Variants in ZNF44 observed in about 807,000 individuals in gnomAD.
ZNF44 encodes zinc finger protein 44.
A neutral mutation model predicts 11.7 loss-of-function variants in ZNF44; 9 were observed. The observed-to-expected ratio is 0.77, with a 90% CI of 0.46 to 1.35. The LOEUF (loss-of-function observed/expected upper bound fraction) is 1.35. Ranked by LOEUF, ZNF44 falls within the 40% of genes most tolerant of loss-of-function variation. The probability of loss-of-function intolerance (pLI) is 0.00; values close to 1 mark genes in which losing one functional copy is unlikely to be tolerated. For missense variants in ZNF44, 696 were observed against 743.1 expected, an observed-to-expected ratio of 0.94 and a Z score of 0.74; for synonymous variants, 224 against 242.7, an observed-to-expected ratio of 0.92 and a Z score of 0.72.
rs535445818 is a variant in ZNF44 at position 12,234,140 on chromosome 19, C to T, written n.380+527G>A. On this transcript the variant is annotated intron_variant and non_coding_transcript_variant, in intron 2 of 3. Coordinates refer to the ZNF44 transcript ENST00000597563. The stretch of plus-strand genomic sequence containing the variant: ...TGAACGTACATTGCTACCAGTATCA[C>T]AGAAAGTGCAGGTTTTCTGCCATGT... Among the ~76,000 whole-genome samples, 21 of 151,998 alleles carry T rather than the reference C, an allele frequency of 1.4e-4. 1 individual carries two copies. In the South Asian group the frequency reaches 4.2e-3, roughly 30 times the overall value.
chr19:12,266,475 C>G (rs1291573211), intron 5 of ZNF44, among the ~76,000 whole-genome samples: 1 of 152,216 alleles, frequency 6.6e-6, no homozygotes, highest in African/African-American at 2.4e-5. Context: ...TGCCCTACAG[C>G]ACGCCTGATT....
chr19:12,249,069 C>T (rs1042043028), intron 7 of ZNF44, among the ~76,000 whole-genome samples: 8 of 152,016 alleles, frequency 5.3e-5, no homozygotes, highest in South Asian at 2.1e-4. Context: ...CCTGCCATTG[C>T]GCCCGGCTAC....
upstream of ZNF44, chr19:12,238,223 G>A: frequency 6.7e-6 from 1 of 150,032 alleles, no homozygotes; most frequent in African/African-American, 2.5e-5. Context: ...GGGCGCGATG[G>A]CTCACCCTAT....
chr19:12,228,043 TTTTTA>T (rs1915993421), intron 3 of ZNF44, among the ~76,000 whole-genome samples: 1 of 152,214 alleles, frequency 6.6e-6, no homozygotes, highest in South Asian at 2.1e-4. Context: ...ACCCGTTGTG[TTTTTA>T]TTTTAATGCT....
chr19:12,247,993 G>T (rs1916827027), exon 8 of ZNF44: 2 of 1,342,638 alleles, frequency 1.5e-6, no homozygotes, highest in Non-Finnish European at 9.9e-7. Context: ...GCAGAGTTGT[G>T]ATATACGAAC....
chr19:12,266,389 A>AT (rs1917727744), intron 5 of ZNF44: 3 of 970,216 alleles, frequency 3.1e-6, no homozygotes, highest in East Asian at 2.3e-4. Context: ...AGAGAAGCCG[A>AT]GAGCGACCCG....
At chr19:12,255,777 T>C (rs924421389) in intron 5 of ZNF44, among the ~76,000 whole-genome samples, 3 of 152,052 alleles carry the variant, frequency 2.0e-5, no homozygotes, top group African/African-American at 7.2e-5. Context: ...CGGTGGCTCA[T>C]TCCTGTAATG....
rs1967150042 is a variant in ZNF44, at chr19:12,274,999, C to T, written c.165G>A (p.Gln55=). ...TTGGATTTCTCCTGAGATTTTGGTGCTGATCATCAATGTTCTGGTTTTCCC... is the reference window on the plus strand; with the variant it reads ...TTGGATTTCTCCTGAGATTTTGGTGTTGATCATCAATGTTCTGGTTTTCCC... ...MKWENQNIDD[Q]HQNLRRNPRC... The change falls in exon 3 of 4, where the codon CAG becomes CAA. Residue 55 remains glutamine, a synonymous_variant. Transcript: ENST00000355684. The T allele has an allele frequency of 6.3e-7, 1 of 1,590,542 alleles. No homozygotes were observed. Among genetic ancestry groups the T allele is most frequent in the Non-Finnish European group, 8.6e-7 (1 of 1,167,828 alleles).
intron 1 of ZNF44, among the ~76,000 whole-genome samples, chr19:12,236,736 T>C (rs1916404970): frequency 2.0e-5 from 3 of 152,334 alleles, no homozygotes; most frequent in Middle Eastern, 6.8e-3. Context: ...ATACTTGCTT[T>C]ATCTTATAAG....
chr19:12,282,292 C>A (rs891681758), intron 1 of ZNF44, among the ~76,000 whole-genome samples: 3 of 152,130 alleles, frequency 2.0e-5, no homozygotes, highest in African/African-American at 7.2e-5. Flanking sequence ...ACACATTAGG[C>A]TTTGAAGTCT....
intron 1 of ZNF44, among the ~76,000 whole-genome samples, chr19:12,291,697 A>G (rs529028602): frequency 6.6e-6 from 1 of 152,142 alleles, no homozygotes; most frequent in East Asian, 1.9e-4. Context: ...ATGTCTCAAA[A>G]AAAAAAGAAA....
At chr19:12,275,413 C>G (rs1235460758) in intron 2 of ZNF44, among the ~76,000 whole-genome samples, 1 of 152,092 alleles carries the variant, frequency 6.6e-6, no homozygotes, top group Non-Finnish European at 1.5e-5. Flanking sequence ...CTTTGGGAGG[C>G]CGAGGTGGGC....
chr19:12,275,023 C>A lies in ZNF44; in HGVS notation c.141G>T (p.Trp47Cys). Residue 47 changes from tryptophan (W) to cysteine (C), a missense_variant, in exon 3 of 4, where the codon TGG becomes TGT. By Grantham distance (215) the Trp-to-Cys change is radical (BLOSUM62 -2). Transcript: ENST00000355684. ...GCTGATCATCAATGTTCTGGTTTTC[C>A]CATTTCATTCCTAAAAGAGAGATCC... ...IRNLNCIGMKWENQNIDDQHQ... is the reference protein window; with the variant it reads ...IRNLNCIGMKCENQNIDDQHQ... 6.3e-7 allele frequency: 1 copy of A among 1,578,514 alleles called. No homozygotes were observed. The highest frequency in any genetic ancestry group is 1.4e-5 in the African/African-American group (1 of 73,098).
rs570002377 is a variant in ZNF44, at chr19:12,231,737, C to T, written n.381-1222G>A. On this transcript the variant is annotated intron_variant and non_coding_transcript_variant, in intron 2 of 3. Transcript: ENST00000597563. The stretch of plus-strand genomic sequence containing the variant: ...AGCATCTAAACAAACAACTATTAAA[C>T]GCTGATCTCAGATAGTATTGTTAGA... Among the ~76,000 whole-genome samples, 10 of 152,272 alleles carry T rather than the reference C, an allele frequency of 6.6e-5. No individual in the cohort carries two copies. The South Asian group carries it at 1.5e-3, about 22-fold the overall frequency.
chr19:12,280,376 T>C (rs1967425572), intron 1 of ZNF44, among the ~76,000 whole-genome samples: 1 of 152,310 alleles, frequency 6.6e-6, no homozygotes, highest in East Asian at 1.9e-4. Context: ...GCCAGTATAG[T>C]ACTATTTGAA....
chr19:12,260,650 C>G, intron 5 of ZNF44: 1 of 602,306 alleles, frequency 1.7e-6, no homozygotes, highest in East Asian at 2.9e-5. Context: ...ACAGGTAGGT[C>G]CTTGCCCAGG....
chr19:12,245,369 A>T (rs530486617), downstream of ZNF44, among the ~76,000 whole-genome samples: 1 of 152,362 alleles, frequency 6.6e-6, no homozygotes, highest in South Asian at 2.1e-4. Context: ...TCTAAGAAAT[A>T]CCTGCAGAAG....
At chr19:12,225,027 G>C (rs1418138241), downstream of ZNF44, 1 of 152,198 alleles carries the variant, frequency 6.6e-6, no homozygotes, top group Non-Finnish European at 1.5e-5. Context: ...GATGCCCTTT[G>C]GATTTAGGCA....
chr19:12,255,985 C>G (rs1021589483), intron 5 of ZNF44, among the ~76,000 whole-genome samples: 4 of 135,696 alleles, frequency 2.9e-5, no homozygotes, highest in Non-Finnish European at 6.2e-5. Context: ...TGCAGTGAGC[C>G]GAGATCACAC....
Sources: allele counts gnomAD v4.1 joint callset (sites outside exome capture counted in the v4.1 genomes callset), GRCh38; gene constraint gnomAD v4.1.1; transcripts MANE v1.5; gene names NCBI Gene and HGNC (gene_info 2026-07-23, HGNC 2026-07-21).